Variants in ATP6V1H observed in about 807,000 individuals in gnomAD.
ATP6V1H encodes the protein ATPase H+ transporting V1 subunit H, also known as V-type proton ATPase subunit H.
A neutral mutation model predicts 71.7 loss-of-function variants in ATP6V1H; 39 were observed. That is an observed-to-expected ratio of 0.54 (90% CI 0.42 to 0.71). The LOEUF is 0.71. Ranked by LOEUF, ATP6V1H falls within the 30% of genes least tolerant of loss-of-function variation. ATP6V1H has a pLI of 0.00. For synonymous variants in ATP6V1H, 192 were observed against 199.3 expected (o/e 0.96, Z 0.31); for missense variants, 509 against 594.9 (o/e 0.86, Z 1.50).
chr8:53,842,146 C>A (rs1344180162), intron 1 of ATP6V1H, among the ~76,000 whole-genome samples: 2 of 152,194 alleles, frequency 1.3e-5, no homozygotes, highest in African/African-American at 2.4e-5. Context: ...TACTAAGCAT[C>A]ATTTTGAAGT....
chr8:53,757,966 A>G (rs1487945166), intron 11 of ATP6V1H, among the ~76,000 whole-genome samples: 8 of 152,282 alleles, frequency 5.3e-5, no homozygotes, highest in African/African-American at 1.9e-4. Flanking sequence ...AGGTATGCCT[A>G]GGCACCGGAA....
At chr8:53,775,293 G>C (rs545387475) in intron 9 of ATP6V1H, among the ~76,000 whole-genome samples, 3 of 152,222 alleles carry the variant, frequency 2.0e-5, no homozygotes, top group Non-Finnish European at 4.4e-5. Flanking sequence ...TGGACCCAAA[G>C]AGTGAGCAGT....
At position 53,772,007 on chromosome 8, in the gene ATP6V1H, T is replaced by C; in HGVS notation, c.1031A>G (p.Glu344Gly). The change falls in exon 10 of 14, where the codon GAG becomes GGG. Residue 344 changes from glutamate to glycine, a missense_variant. By Grantham distance (98) the Glu-to-Gly change is moderately conservative. This residue lies in a region of ATP6V1H where 212 missense variants were observed against 291.6 expected (regional missense o/e 0.73). Coordinates refer to ENST00000359530, the MANE Select transcript of ATP6V1H (RefSeq NM_015941.4). ...DIKFLLEKLG[E>G]SVQDLSSFDE... Reference sequence around the variant, plus strand: ...AACACACCTAAGGTCCTGGACACTCTCTCCAAGTTTTTCCAAAAGAAATTT... The same window carrying C: ...AACACACCTAAGGTCCTGGACACTCCCTCCAAGTTTTTCCAAAAGAAATTT... 6.2e-7 allele frequency: 1 copy of C among 1,613,910 alleles called. No individual in the cohort carries two copies. The highest frequency in any genetic ancestry group is 1.7e-5 in the Admixed American group (1 of 60,008).
intron 13 of ATP6V1H, among the ~76,000 whole-genome samples, chr8:53,727,657 C>T (rs1806860788): frequency 6.6e-6 from 1 of 152,208 alleles, no homozygotes; most frequent in South Asian, 2.1e-4. Flanking sequence ...CATCCCCTTC[C>T]ACGACTTCCA....
At chr8:53,780,585 C>A (rs1809078425) in intron 9 of ATP6V1H, among the ~76,000 whole-genome samples, 2 of 151,738 alleles carry the variant, frequency 1.3e-5, no homozygotes, top group South Asian at 2.1e-4. Context: ...TACATGTGCA[C>A]AACGTGCAGG....
At chr8:53,720,159 AT>A (rs1241090508) in intron 13 of ATP6V1H, among the ~76,000 whole-genome samples, 2 of 152,178 alleles carry the variant, frequency 1.3e-5, no homozygotes, top group Non-Finnish European at 2.9e-5. Context: ...GGAATGTGAC[AT>A]TAAATCTTTG....
intron 9 of ATP6V1H, among the ~76,000 whole-genome samples, chr8:53,794,937 T>C (rs1048509308): frequency 2.6e-5 from 4 of 152,214 alleles, no homozygotes; most frequent in African/African-American, 7.2e-5. Flanking sequence ...ATATGGGACA[T>C]GTCCACTATT....
chr8:53,801,546 T>A (rs1019926318), intron 8 of ATP6V1H, among the ~76,000 whole-genome samples: 9 of 152,162 alleles, frequency 5.9e-5, no homozygotes, highest in Admixed American at 2.0e-4. Context: ...TTTTTTATAT[T>A]CTGAGTACCT....
chr8:53,739,022 A>C (rs1222845856), intron 13 of ATP6V1H, among the ~76,000 whole-genome samples: 1 of 152,154 alleles, frequency 6.6e-6, no homozygotes, highest in African/African-American at 2.4e-5. Flanking sequence ...CCTCCACTAA[A>C]AATGTCATAA....
intron 9 of ATP6V1H, among the ~76,000 whole-genome samples, chr8:53,787,961 C>A (rs1479282610): frequency 2.0e-5 from 3 of 152,172 alleles, no homozygotes; most frequent in African/African-American, 7.2e-5. Context: ...AAAAATTTCC[C>A]TGAGTTTTAG....
At chr8:53,795,924 G>A (rs1012814262) in intron 8 of ATP6V1H, 85 bp from the exon 9 acceptor site, 1 of 1,197,216 alleles carries the variant, frequency 8.4e-7, no homozygotes, top group Admixed American at 2.5e-5. Flanking sequence ...TGCACTAATG[G>A]AACAGGTCTC....
At chr8:53,784,167 T>C (rs1302309681) in intron 9 of ATP6V1H, among the ~76,000 whole-genome samples, 1 of 152,210 alleles carries the variant, frequency 6.6e-6, no homozygotes, top group East Asian at 1.9e-4. Flanking sequence ...TATTATTGTG[T>C]GGGAGTCTAA....
chr8:53,771,793 A>C (rs1208928780), intron 10 of ATP6V1H, among the ~76,000 whole-genome samples, 196 bp downstream of exon 10: 3 of 152,178 alleles, frequency 2.0e-5, no homozygotes, highest in Admixed American at 2.0e-4. Flanking sequence ...AATCTCCGTA[A>C]ATAAGAAGAG....
intron 9 of ATP6V1H, among the ~76,000 whole-genome samples, chr8:53,782,304 T>C (rs949322536): frequency 6.3e-4 from 95 of 151,808 alleles, no homozygotes; most frequent in Admixed American, 2.4e-3. Context: ...TTTGAAGCAA[T>C]TGTGAATGGG....
chr8:53,783,016 G>C (rs1004674520), intron 9 of ATP6V1H, among the ~76,000 whole-genome samples: 36 of 151,842 alleles, frequency 2.4e-4, no homozygotes, highest in Non-Finnish European at 2.2e-4. Flanking sequence ...TTTTTGTTGT[G>C]TCTCTGCCAG....
intron 5 of ATP6V1H, among the ~76,000 whole-genome samples, chr8:53,816,279 G>T (rs73680316): frequency 0.12 from 18,671 of 152,056 alleles, 1,766 homozygotes; most frequent in East Asian, 0.45. Context: ...AATGTTTCAC[G>T]GCCAGTGGCC....
chr8:53,785,407 C>G (rs987000557), intron 9 of ATP6V1H, among the ~76,000 whole-genome samples: 2 of 152,160 alleles, frequency 1.3e-5, no homozygotes, highest in Non-Finnish European at 2.9e-5. Context: ...TTAAGGACTT[C>G]TCTGCATTGG....
chr8:53,772,221 T>C, intron 9 of ATP6V1H, 54 bp from the exon 10 acceptor site: 1 of 1,382,560 alleles, frequency 7.2e-7, no homozygotes, highest in Non-Finnish European at 9.9e-7. Flanking sequence ...TGTGATGGAT[T>C]CAGAGACCTC....
intron 13 of ATP6V1H, among the ~76,000 whole-genome samples, chr8:53,730,084 A>ACCT (rs1368845406): frequency 3.5e-4 from 53 of 152,216 alleles, no homozygotes; most frequent in African/African-American, 1.3e-3. Flanking sequence ...ACAGAGAAGA[A>ACCT]GTGAACAGCC....
Sources: allele counts gnomAD v4.1 joint callset (sites outside exome capture counted in the v4.1 genomes callset), GRCh38; gene constraint gnomAD v4.1.1; regional missense constraint gnomAD v4.1.1; transcripts MANE v1.5; gene names NCBI Gene and HGNC (gene_info 2026-07-23, HGNC 2026-07-21).